The following PPAT variants were observed in gnomAD, a reference collection of about 807,000 sequenced individuals.
PPAT encodes the protein amidophosphoribosyltransferase.
A neutral mutation model predicts 60.2 loss-of-function variants in PPAT; 20 were observed. The observed-to-expected ratio is 0.33, with a 90% CI of 0.23 to 0.48. The LOEUF (loss-of-function observed/expected upper bound fraction) is 0.48, where lower values mean the gene tolerates loss of function less well. PPAT is among the 20% of genes least tolerant of loss of function. The pLI is 0.99. For missense variants in PPAT, 349 were observed against 629.6 expected (o/e 0.55, Z 4.77); for synonymous variants, 194 against 215.1 (o/e 0.90, Z 0.86).
intron 1 of PPAT, chr4:56,410,899 TAAAAAAAAAAAAAA>T (rs35668849): frequency 1.7e-4 from 116 of 678,304 alleles, no homozygotes; most frequent in South Asian, 3.7e-4. Context: ...CCACTGAAGG[TAAAAAAAAAAAAAA>T]AAAAAAAAAA....
At chr4:56,401,075 T>C (rs1716097232) in intron 7 of PPAT, among the ~76,000 whole-genome samples, 164 bp from the exon 8 acceptor site, 1 of 152,130 alleles carries the variant, frequency 6.6e-6, no homozygotes, top group South Asian at 2.1e-4. Context: ...CTCAACTGTG[T>C]GGTTTTAAAA....
chr4:56,411,034 A>G (rs2110044770), intron 1 of PPAT: 4 of 609,030 alleles, frequency 6.6e-6, no homozygotes, highest in Non-Finnish European at 8.2e-6. Context: ...AAGACTGTGG[A>G]AAAATAACCA....
chr4:56,411,558 T>C (rs142859702), intron 1 of PPAT, among the ~76,000 whole-genome samples: 400 of 152,278 alleles, frequency 2.6e-3, no homozygotes, highest in African/African-American at 9.0e-3. Flanking sequence ...AATCTACTCA[T>C]TGTCTGTGGA....
rs1715946284 is a variant in PPAT at position 56,395,449 on chromosome 4, A to G, written c.1457T>C (p.Met486Thr). Residue 486 changes from methionine to threonine, a missense_variant, in exon 11 of 11, where the codon ATG (methionine) becomes ACG (threonine). Physicochemically the swap from Met to Thr is moderately conservative, Grantham distance 81. Around this residue, in one of 5 missense-constraint regions of PPAT, gnomAD observed 167 missense variants for 328.6 expected, o/e 0.51. Coordinates refer to ENST00000264220, the MANE Select transcript of PPAT (RefSeq NM_002703.5). ...KKQKEKKHDI[M>T]IQENGNGLEC... ...CAGACCATTTCCATTTTCTTGGATCATAATATCGTGCTTTTTCTCTTTCTG... is the reference window on the plus strand; with the variant it reads ...CAGACCATTTCCATTTTCTTGGATCGTAATATCGTGCTTTTTCTCTTTCTG... The G allele has an allele frequency of 6.2e-7, 1 of 1,612,046 alleles. No individual in the cohort carries two copies.
intron 1 of PPAT, among the ~76,000 whole-genome samples, chr4:56,423,629 T>G (rs994679690): frequency 6.6e-6 from 1 of 151,612 alleles, no homozygotes; most frequent in African/African-American, 2.4e-5. Flanking sequence ...TTTTTACATG[T>G]AGAAGAAAAA....
chr4:56,431,443 GA>G, intron 1 of PPAT: 1 of 980,888 alleles, frequency 1.0e-6, no homozygotes, highest in Non-Finnish European at 1.2e-6. Context: ...AATCTCTTAA[GA>G]AAAGTGCTCC....
intron 5 of PPAT, among the ~76,000 whole-genome samples, 191 bp downstream of exon 5, chr4:56,402,841 AAAAAAAAG>A (rs1387912048): frequency 0.14 from 14,593 of 106,868 alleles, 1,473 homozygotes; most frequent in Admixed American, 0.26. Context: ...AAAAAAAAAA[AAAAAAAAG>A]GGGGGGGACT....
chr4:56,429,800 C>A (rs1341685652), intron 1 of PPAT, among the ~76,000 whole-genome samples: 1 of 152,178 alleles, frequency 6.6e-6, no homozygotes, highest in African/African-American at 2.4e-5. Flanking sequence ...TCCTTCCGCC[C>A]CCATAAACAT....
chr4:56,411,728 G>A (rs1716472793), intron 1 of PPAT, among the ~76,000 whole-genome samples: 1 of 152,174 alleles, frequency 6.6e-6, no homozygotes, highest in South Asian at 2.1e-4. Flanking sequence ...TATGCGTTTA[G>A]TAATGCGAAA....
At chr4:56,405,763 A>G (rs1716226997) in intron 3 of PPAT, among the ~76,000 whole-genome samples, 1 of 152,240 alleles carries the variant, frequency 6.6e-6, no homozygotes, top group Non-Finnish European at 1.5e-5. Flanking sequence ...GTTCTTCTGT[A>G]GCCTTTGTAA....
In PPAT at chr4:56,417,910, G is replaced by A. The variant is rs1035201116; in HGVS notation, c.129-10194C>T. 2.7e-5 allele frequency among the ~76,000 whole-genome samples: 4 copies of A among 146,958 alleles called. No individual in the cohort carries two copies. The South Asian group carries it at 6.4e-4, about 23-fold the overall frequency. On this transcript the variant is annotated intron_variant, in intron 1 of 10. Transcript: ENST00000264220. ...GGCTAGAGTGCAGTGGTGCAATCTCGGCTCACTGCAATCCTGCCTCCCAGG... is the reference window on the plus strand; with the variant it reads ...GGCTAGAGTGCAGTGGTGCAATCTCAGCTCACTGCAATCCTGCCTCCCAGG...
At chr4:56,402,996 A>G in intron 5 of PPAT, 44 bp downstream of exon 5, 1 of 1,524,926 alleles carries the variant, frequency 6.6e-7, no homozygotes, top group South Asian at 1.3e-5. Context: ...TAGGACAATA[A>G]TGGAAAAACA....
chr4:56,400,699 G>C, intron 8 of PPAT, 85 bp downstream of exon 8: 1 of 1,350,270 alleles, frequency 7.4e-7, no homozygotes. Flanking sequence ...CCTTAGAAAT[G>C]TTGATGAGTT....
At chr4:56,430,212 T>C (rs145256045) in intron 1 of PPAT, among the ~76,000 whole-genome samples, 2 of 152,348 alleles carry the variant, frequency 1.3e-5, no homozygotes, top group Non-Finnish European at 2.9e-5. Context: ...TGTCTCTCAA[T>C]GGACATATGT....
chr4:56,402,171 T>A lies in PPAT; in HGVS notation c.672A>T (p.Thr224=). 6.2e-7 allele frequency: 1 copy of A among 1,605,296 alleles called. No individual in the cohort carries two copies. Among genetic ancestry groups the A allele is most frequent in the Non-Finnish European group, 8.5e-7 (1 of 1,173,204 alleles). ...ACACCACCCATCCTTCTGTTTCTGA[T>A]GTTTTTTTCTCTGTAAATCACAAAT... The part of the protein sequence containing the change: ...VSDINDKEKK[T]SETEGWVVSS... Residue 224 remains threonine, a synonymous_variant, in exon 6 of 11, where the codon ACA becomes ACT. Transcript: ENST00000264220.
intron 1 of PPAT, chr4:56,425,577 T>A (rs1717243326): frequency 6.2e-6 from 1 of 160,234 alleles, no homozygotes; most frequent in Non-Finnish European, 1.3e-5. Context: ...AAAGAATATA[T>A]CTAGTTTTGG....
chr4:56,411,032 G>T, intron 1 of PPAT: 1 of 652,360 alleles, frequency 1.5e-6, no homozygotes, highest in South Asian at 6.9e-5. Context: ...TCAAGACTGT[G>T]GAAAAATAAC....
intron 3 of PPAT, 69 bp from the exon 4 acceptor site, chr4:56,403,470 A>T: frequency 8.9e-7 from 1 of 1,129,016 alleles, no homozygotes; most frequent in Non-Finnish European, 1.2e-6. Flanking sequence ...CCCAGTAGCC[A>T]ACCATAATGA....
intron 4 of PPAT, 50 bp from the exon 5 acceptor site, chr4:56,403,235 C>T (rs754984805): frequency 6.3e-7 from 1 of 1,596,576 alleles, no homozygotes; most frequent in African/African-American, 1.3e-5. Context: ...TAAACATATG[C>T]AAGGCAAAAC....
Sources: gnomAD v4.1 joint callset for allele counts (sites outside exome capture counted in the v4.1 genomes callset) on GRCh38, gnomAD v4.1.1 for gene constraint, gnomAD v4.1.1 regional missense constraint, MANE v1.5 for transcripts, NCBI Gene and HGNC (gene_info 2026-07-23, HGNC 2026-07-21) for gene names.